Variants in PTPRN2 observed in about 807,000 individuals in gnomAD.
PTPRN2 encodes the protein receptor-type tyrosine-protein phosphatase N2.
In PTPRN2, 74 loss-of-function variants were observed where a neutral mutation model predicts 118.8. The ratio of observed to expected loss-of-function variants is 0.62; its 90% CI spans 0.52 to 0.76. The LOEUF (loss-of-function observed/expected upper bound fraction) is 0.76, where lower values mean the gene tolerates loss of function less well. Among genes scored for constraint, PTPRN2 ranks in the 30% least tolerant of loss-of-function variants. The pLI, the probability that PTPRN2 is intolerant of heterozygous loss-of-function variation, is 0.00. For synonymous variants in PTPRN2, 641 were observed against 608.0 expected, an observed-to-expected ratio of 1.05 and a Z score of -0.80; for missense variants, 1,481 against 1,394.4, an observed-to-expected ratio of 1.06 and a Z score of -0.99.
At chr7:157,682,703 T>A in intron 13 of PTPRN2, 22 bp downstream of exon 13, 1 of 1,599,464 alleles carries the variant, frequency 6.3e-7, no homozygotes, top group Non-Finnish European at 8.6e-7. Flanking sequence ...GATATACCAC[T>A]TTTTAAAAAG....
At chr7:157,983,997 T>C (rs1044359824) in intron 11 of PTPRN2, among the ~76,000 whole-genome samples, 2 of 152,048 alleles carry the variant, frequency 1.3e-5, no homozygotes, top group Non-Finnish European at 2.9e-5. Flanking sequence ...CGAGCATCTC[T>C]TCCTGACTCG....
chr7:157,676,691 C>A lies in PTPRN2; in HGVS notation c.2001+6034G>T, dbSNP rs966469262. Among the ~76,000 whole-genome samples the A allele has an allele frequency of 6.6e-6, 1 of 152,226 alleles. No individual in the cohort carries two copies. Among genetic ancestry groups the A allele is most frequent in the African/African-American group, 2.4e-5 (1 of 41,466 alleles). On this transcript the variant is annotated intron_variant, in intron 13 of 22. Transcript: ENST00000389418. This position sits in a 1 kb window ranked among gnomAD's most constrained non-coding sequence, Gnocchi z 5.6. ...CGCCTCTCAGTTTATCTGCTGCTGA[C>A]TTTGCCCCCTTGTAAAACAGGGTTG...
chr7:158,097,008 G>C (rs899188455), intron 10 of PTPRN2, among the ~76,000 whole-genome samples: 1 of 152,114 alleles, frequency 6.6e-6, no homozygotes, highest in Non-Finnish European at 1.5e-5. Flanking sequence ...TATAGTCATC[G>C]AGGCCACAGG....
intron 5 of PTPRN2, among the ~76,000 whole-genome samples, chr7:158,191,420 A>G (rs755990436): frequency 1.3e-5 from 2 of 151,934 alleles, no homozygotes; most frequent in African/African-American, 2.4e-5. Flanking sequence ...GTCGCCATCA[A>G]ACCCCCAATG....
chr7:158,572,121 A>ACT (rs1473860396), intron 1 of PTPRN2, among the ~76,000 whole-genome samples: 2 of 152,068 alleles, frequency 1.3e-5, no homozygotes, highest in African/African-American at 4.8e-5. Flanking sequence ...GAGGGCAGGG[A>ACT]CTCTGTCTTG....
At chr7:157,848,707 C>A (rs977664375) in intron 12 of PTPRN2, among the ~76,000 whole-genome samples, 1 of 152,250 alleles carries the variant, frequency 6.6e-6, no homozygotes, top group Admixed American at 6.5e-5. Flanking sequence ...GTTCTGTAAG[C>A]CAGAGCTGAA....
At chr7:157,748,745 C>T (rs1315255097) in intron 12 of PTPRN2, among the ~76,000 whole-genome samples, 76 of 59,494 alleles carry the variant, frequency 1.3e-3, no homozygotes, top group Middle Eastern at 0.01. Context: ...TGTGGGCTGT[C>T]CGGGTGATTC....
intron 11 of PTPRN2, among the ~76,000 whole-genome samples, chr7:157,921,701 G>A (rs933186405): frequency 1.3e-4 from 20 of 152,206 alleles, no homozygotes; most frequent in Admixed American, 6.5e-4. Context: ...AGGGCATGGC[G>A]CAGTAAGAAA....
At chr7:158,428,499 C>A (rs1815923896) in intron 2 of PTPRN2, among the ~76,000 whole-genome samples, 1 of 152,238 alleles carries the variant, frequency 6.6e-6, no homozygotes, top group African/African-American at 2.4e-5. Flanking sequence ...CTGTTTCTCT[C>A]CATGGTTGAG....
intron 2 of PTPRN2, among the ~76,000 whole-genome samples, chr7:158,341,462 G>A (rs1806765757): frequency 6.9e-6 from 1 of 145,730 alleles, no homozygotes; most frequent in South Asian, 2.2e-4. Context: ...ACCTTCAGAC[G>A]TCATTCACAC....
At chr7:158,070,548 A>T (rs1350672877) in intron 11 of PTPRN2, among the ~76,000 whole-genome samples, 3 of 60,988 alleles carry the variant, frequency 4.9e-5, no homozygotes, top group Admixed American at 4.0e-4. Context: ...CTGGTGGTGG[A>T]GGTGCCCATG....
chr7:157,551,721 C>A, intron 21 of PTPRN2, among the ~76,000 whole-genome samples: 1 of 145,932 alleles, frequency 6.9e-6, no homozygotes, highest in East Asian at 2.1e-4. Context: ...CCACACACCC[C>A]ACAGCCACCA....
intron 3 of PTPRN2, among the ~76,000 whole-genome samples, chr7:158,306,489 A>C (rs185764252): frequency 9.6e-4 from 145 of 151,722 alleles, no homozygotes; most frequent in African/African-American, 3.3e-3. Context: ...CTCAGCAGAG[A>C]CTGAGGCTTG....
chr7:158,039,384 C>A (rs1326282650), intron 11 of PTPRN2, among the ~76,000 whole-genome samples: 1 of 152,214 alleles, frequency 6.6e-6, no homozygotes, highest in Non-Finnish European at 1.5e-5. Context: ...TGTGCAGGTT[C>A]AGGCTGAGAC....
At chr7:157,799,179 G>T (rs1176741432) in intron 12 of PTPRN2, among the ~76,000 whole-genome samples, 1 of 152,146 alleles carries the variant, frequency 6.6e-6, no homozygotes, top group Admixed American at 6.5e-5. Context: ...CTGTGTGCTC[G>T]TGGGGAGGAA....
chr7:158,533,394 C>T (rs1271461626), intron 1 of PTPRN2, among the ~76,000 whole-genome samples: 2 of 152,246 alleles, frequency 1.3e-5, no homozygotes, highest in African/African-American at 4.8e-5. Context: ...GGACCCTCCG[C>T]ATCTGGCTGC....
intron 11 of PTPRN2, among the ~76,000 whole-genome samples, chr7:157,933,426 C>T (rs111863841): frequency 1.4e-5 from 2 of 144,838 alleles, no homozygotes; most frequent in Non-Finnish European, 1.5e-5. Context: ...GGGTGAGTCA[C>T]TCTGATTGAC....
chr7:158,105,613 G>C (rs1170210886), intron 10 of PTPRN2, among the ~76,000 whole-genome samples: 2 of 150,940 alleles, frequency 1.3e-5, no homozygotes, highest in South Asian at 2.1e-4. Context: ...TCCATCCCAA[G>C]CTGAACCAAG....
rs191638783 is a variant in PTPRN2 at position 157,844,724 on chromosome 7, C to T, written c.1788+53949G>A. The stretch of plus-strand genomic sequence containing the variant: ...CACGTCCTAAGTTGCTCTGTGTTCC[C>T]GGCAACGTACCCGGCACTGAGTTCT... On this transcript the variant is annotated intron_variant, in intron 12 of 22. Coordinates refer to ENST00000389418, the MANE Select transcript of PTPRN2 (RefSeq NM_002847.5). 4.3e-4 allele frequency among the ~76,000 whole-genome samples: 66 copies of T among 152,292 alleles called. 1 individual carries two copies. Among genetic ancestry groups the T allele is most frequent in the East Asian group, 3.7e-3 (19 of 5,182 alleles).
Sources: gnomAD v4.1 joint callset for allele counts (sites outside exome capture counted in the v4.1 genomes callset) on GRCh38, gnomAD v4.1.1 for gene constraint, Gnocchi (gnomAD v3.1) non-coding constraint, MANE v1.5 for transcripts, NCBI Gene and HGNC (gene_info 2026-07-23, HGNC 2026-07-21) for gene names.